The following SRBD1 variants were observed in gnomAD, a reference collection of about 807,000 sequenced individuals.
SRBD1 encodes the protein S1 RNA-binding domain-containing protein 1.
In SRBD1, 88 loss-of-function variants were observed where a neutral mutation model predicts 115.3. The ratio of observed to expected loss-of-function variants is 0.76; its 90% CI spans 0.64 to 0.91. The LOEUF (loss-of-function observed/expected upper bound fraction) is 0.91, where lower values mean the gene tolerates loss of function less well. SRBD1 is among the 40% of genes least tolerant of loss of function. The probability of loss-of-function intolerance (pLI) is 0.00; values close to 1 mark genes in which losing one functional copy is unlikely to be tolerated. For synonymous variants in SRBD1, 509 were observed against 407.7 expected, an observed-to-expected ratio of 1.25 and a Z score of -2.99; for missense variants, 1,385 against 1,177.4, an observed-to-expected ratio of 1.18 and a Z score of -2.58.
In SRBD1 at chr2:45,551,137, T is replaced by G. The variant is rs369134408; in HGVS notation, c.1663A>C (p.Ile555Leu). 2.5e-6 allele frequency: 4 copies of G among 1,594,380 alleles called. No homozygotes were observed. Among genetic ancestry groups the G allele is most frequent in the African/African-American group, 1.4e-5 (1 of 73,658 alleles). Reference protein sequence around the residue: ...GYKHGCKLAIISPTSQILHTD... With the variant: ...GYKHGCKLAILSPTSQILHTD... ...CAAGACAACTTACTAGTAGGAGAAA[T>G]TATAGCTAATTTGCAACCATGTTTA... The change falls in exon 12 of 21, where the codon ATT becomes CTT. Residue 555 changes from isoleucine to leucine, a missense_variant. By Grantham distance (5) the Ile-to-Leu change is conservative (BLOSUM62 2). Coordinates refer to ENST00000263736, the MANE Select transcript of SRBD1 (RefSeq NM_018079.5).
At chr2:45,538,723 CTATCTCATTCAATCTGACATT>C (rs1671842334) in intron 14 of SRBD1, among the ~76,000 whole-genome samples, 1 of 152,258 alleles carries the variant, frequency 6.6e-6, no homozygotes, top group Middle Eastern at 3.4e-3. Flanking sequence ...CTTACTGAGT[CTATCTCATTCAATCTGACATT>C]TATAGGTGAT....
At position 45,549,631 on chromosome 2, in the gene SRBD1, G is replaced by A. The variant is rs1432098557; in HGVS notation, c.1675+1494C>T. The stretch of plus-strand genomic sequence containing the variant: ...TTTGGAAGGCCAAGGCAGGCACATA[G>A]CTTGAGCTCAGGATTTCAAGACCAG... On this transcript the variant is annotated intron_variant, in intron 12 of 20. Transcript: ENST00000263736. 2.1e-5 allele frequency among the ~76,000 whole-genome samples: 3 copies of A among 144,388 alleles called. No homozygotes were observed. In the Admixed American group the frequency reaches 2.2e-4, roughly 11 times the overall value. 94.7% of individuals were successfully genotyped at this position (144,388 alleles called of 152,430 possible). A position where few individuals can be genotyped will look rare whatever the true frequency, so the allele number is the denominator to read the frequency against.
At chr2:45,452,315 C>T (rs2103746003) in intron 16 of SRBD1, among the ~76,000 whole-genome samples, 1 of 151,990 alleles carries the variant, frequency 6.6e-6, no homozygotes, top group South Asian at 2.1e-4. Flanking sequence ...TATTTCTAAG[C>T]CAAATTGTGA....
At chr2:45,525,523 C>A (rs545260520) in intron 14 of SRBD1, among the ~76,000 whole-genome samples, 54 of 152,028 alleles carry the variant, frequency 3.6e-4, no homozygotes, top group African/African-American at 1.2e-3. Flanking sequence ...TACTGTACAA[C>A]ATGGTGACTA....
At chr2:45,488,533 T>G (rs997372575) in intron 14 of SRBD1, among the ~76,000 whole-genome samples, 1 of 152,158 alleles carries the variant, frequency 6.6e-6, no homozygotes, top group South Asian at 2.1e-4. Context: ...ACATATGAAA[T>G]ACACAGACTT....
intron 16 of SRBD1, among the ~76,000 whole-genome samples, chr2:45,475,326 C>A (rs914230046): frequency 2.0e-5 from 3 of 152,184 alleles, no homozygotes; most frequent in Non-Finnish European, 4.4e-5. Context: ...AGTACAAGAG[C>A]CTCCTAGCTG....
chr2:45,532,261 G>C (rs934680329), intron 14 of SRBD1, among the ~76,000 whole-genome samples: 3 of 151,782 alleles, frequency 2.0e-5, no homozygotes, highest in East Asian at 1.9e-4. Flanking sequence ...GCTTGTAAAA[G>C]GATGCAAACC....
intron 10 of SRBD1, among the ~76,000 whole-genome samples, chr2:45,556,448 C>CTTTTTTTT (rs59284495): frequency 2.2e-4 from 17 of 78,834 alleles, no homozygotes; most frequent in African/African-American, 4.3e-4. Context: ...TGCTCTATTA[C>CTTTTTTTT]TTTTTTTTTT....
At chr2:45,526,570 C>T (rs181366636) in intron 14 of SRBD1, among the ~76,000 whole-genome samples, 14 of 151,816 alleles carry the variant, frequency 9.2e-5, no homozygotes, top group Non-Finnish European at 1.8e-4. Flanking sequence ...TATTAAAAAT[C>T]GCTGAATTAT....
At chr2:45,487,853 C>T (rs1225409876) in intron 15 of SRBD1, among the ~76,000 whole-genome samples, 1 of 151,922 alleles carries the variant, frequency 6.6e-6, no homozygotes, top group Non-Finnish European at 1.5e-5. Context: ...GGAGTTTCAC[C>T]ATCTTGGCCA....
intron 14 of SRBD1, among the ~76,000 whole-genome samples, chr2:45,524,553 A>G (rs755053730): frequency 2.6e-5 from 4 of 152,066 alleles, no homozygotes; most frequent in Middle Eastern, 6.3e-3. Context: ...AACAGCATCA[A>G]GAACAACAAA....
rs555770119 is a variant in SRBD1, at chr2:45,518,655, G to A, written c.1874+28077C>T. 2.4e-4 allele frequency among the ~76,000 whole-genome samples: 36 copies of A among 152,240 alleles called. No individual in the cohort carries two copies. The South Asian group carries it at 7.3e-3, about 31-fold the overall frequency. Reference sequence around the variant, plus strand: ...TGGTGCCTTTGTAAGAATCAACCAAGGAAACATCTTTTTTATGTTTTGGAC... The same window carrying A: ...TGGTGCCTTTGTAAGAATCAACCAAAGAAACATCTTTTTTATGTTTTGGAC... On this transcript the variant is annotated intron_variant, in intron 14 of 20. Transcript: ENST00000263736.
intron 16 of SRBD1, among the ~76,000 whole-genome samples, chr2:45,425,845 G>A (rs1668136927): frequency 6.6e-6 from 1 of 152,202 alleles, no homozygotes; most frequent in African/African-American, 2.4e-5. Context: ...CGTGGTCTTT[G>A]CAACCCGCAG....
chr2:45,528,870 A>G (rs1671530067), intron 14 of SRBD1, among the ~76,000 whole-genome samples: 1 of 151,970 alleles, frequency 6.6e-6, no homozygotes, highest in Non-Finnish European at 1.5e-5. Flanking sequence ...GAAACTGAAA[A>G]GGAATCTAGA....
In SRBD1 at chr2:45,526,988, T is replaced by C. The variant is rs1231140362; in HGVS notation, c.1874+19744A>G. On this transcript the variant is annotated intron_variant, in intron 14 of 20. Coordinates refer to ENST00000263736, the MANE Select transcript of SRBD1 (RefSeq NM_018079.5). The stretch of plus-strand genomic sequence containing the variant: ...TACATGTCTTAAGCTGAGTGCGATC[T>C]GGGAACACAGATCATTTAATCATTT... Among the ~76,000 whole-genome samples, 3 of 151,922 alleles carry C rather than the reference T, an allele frequency of 2.0e-5. No homozygotes were observed. The East Asian group carries it at 5.8e-4, about 29-fold the overall frequency.
chr2:45,454,617 G>A (rs35480427), intron 16 of SRBD1, among the ~76,000 whole-genome samples: 15,743 of 151,730 alleles, frequency 0.1, 848 homozygotes, highest in South Asian at 0.16. Context: ...GAATAATTAT[G>A]ATTACTTACA....
At chr2:45,462,797 G>A (rs1216052955) in intron 16 of SRBD1, among the ~76,000 whole-genome samples, 5 of 151,930 alleles carry the variant, frequency 3.3e-5, no homozygotes, top group African/African-American at 1.2e-4. Flanking sequence ...CTGCACTCCA[G>A]CCTGGGCAAC....
At chr2:45,596,370 G>T (rs572842420) in intron 4 of SRBD1, among the ~76,000 whole-genome samples, 1 of 152,160 alleles carries the variant, frequency 6.6e-6, no homozygotes, top group African/African-American at 2.4e-5. Flanking sequence ...AGTGAACCCA[G>T]ATATTCATTC....
At chr2:45,521,735 A>G (rs1238247449) in intron 14 of SRBD1, among the ~76,000 whole-genome samples, 1 of 151,670 alleles carries the variant, frequency 6.6e-6, no homozygotes, top group Admixed American at 6.6e-5. Flanking sequence ...AGGTGGCCAA[A>G]GTGGGAGGAT....
Sources: allele counts gnomAD v4.1 joint callset (sites outside exome capture counted in the v4.1 genomes callset), GRCh38; gene constraint gnomAD v4.1.1; transcripts MANE v1.5; gene names NCBI Gene and HGNC (gene_info 2026-07-23, HGNC 2026-07-21).